Variants in ADAMTS12 observed in about 807,000 individuals in gnomAD.
ADAMTS12 encodes the protein ADAM metallopeptidase with thrombospondin type 1 motif 12.
In ADAMTS12, 118 loss-of-function variants were observed where a neutral mutation model predicts 167.8. That is an observed-to-expected ratio of 0.70 (90% CI 0.61 to 0.82). ADAMTS12 has a LOEUF of 0.82. Among genes scored for constraint, ADAMTS12 ranks in the 40% least tolerant of loss-of-function variants. The pLI is 0.00. For missense variants in ADAMTS12, 1,916 were observed against 1,998.8 expected, an observed-to-expected ratio of 0.96 and a Z score of 0.79; for synonymous variants, 704 against 716.9, an observed-to-expected ratio of 0.98 and a Z score of 0.29.
intron 17 of ADAMTS12, among the ~76,000 whole-genome samples, chr5:33,592,802 C>T (rs183680715): frequency 6.6e-6 from 1 of 152,008 alleles, no homozygotes; most frequent in African/African-American, 2.4e-5. Context: ...AAGATTAAAC[C>T]TTGCACAGGA....
intron 1 of ADAMTS12, among the ~76,000 whole-genome samples, chr5:33,882,563 C>A (rs1750484690): frequency 6.6e-6 from 1 of 152,074 alleles, no homozygotes; most frequent in Admixed American, 6.6e-5. Flanking sequence ...GATTACACTT[C>A]TTCTTTTTTT....
intron 2 of ADAMTS12, among the ~76,000 whole-genome samples, chr5:33,756,374 G>A (rs1002322389): frequency 6.6e-6 from 1 of 152,182 alleles, no homozygotes; most frequent in Non-Finnish European, 1.5e-5. Flanking sequence ...CTTTTAGGCG[G>A]CGAAGCCAAG....
intron 13 of ADAMTS12, among the ~76,000 whole-genome samples, chr5:33,627,099 G>A (rs1561179092): frequency 2.0e-5 from 3 of 148,926 alleles, no homozygotes. Context: ...GGTGGTGGTG[G>A]TGATGATGGT....
At chr5:33,758,598 G>A (rs1745246060) in intron 2 of ADAMTS12, among the ~76,000 whole-genome samples, 2 of 152,146 alleles carry the variant, frequency 1.3e-5, no homozygotes, top group African/African-American at 2.4e-5. Flanking sequence ...ATTTCCAGAT[G>A]TCAGTGTCAC....
intron 4 of ADAMTS12, 51 bp downstream of exon 4, chr5:33,683,808 C>A (rs765729501): frequency 9.8e-6 from 13 of 1,329,510 alleles, no homozygotes. Context: ...GTAAGCATTT[C>A]TAATGACATC....
chr5:33,528,652 G>A (rs754048595), intron 23 of ADAMTS12, among the ~76,000 whole-genome samples: 3 of 152,190 alleles, frequency 2.0e-5, no homozygotes, highest in Non-Finnish European at 4.4e-5. Flanking sequence ...CTGATAAATG[G>A]CATAGCCAGA....
intron 3 of ADAMTS12, among the ~76,000 whole-genome samples, chr5:33,701,586 T>C (rs1743005850): frequency 6.6e-6 from 1 of 152,204 alleles, no homozygotes; most frequent in Admixed American, 6.5e-5. Flanking sequence ...TGAGAAGTTC[T>C]CTTCATATCT....
intron 2 of ADAMTS12, among the ~76,000 whole-genome samples, chr5:33,806,284 T>C (rs1177733925): frequency 6.6e-6 from 1 of 152,134 alleles, no homozygotes; most frequent in Non-Finnish European, 1.5e-5. Context: ...ACTCCCAATA[T>C]ACAGAAGTCA....
chr5:33,787,802 G>A (rs1746383154), intron 2 of ADAMTS12, among the ~76,000 whole-genome samples: 2 of 152,174 alleles, frequency 1.3e-5, no homozygotes, highest in African/African-American at 2.4e-5. Context: ...ACAGAAAAGA[G>A]CGTGATATTT....
chr5:33,688,646 T>C (rs1026093398), intron 3 of ADAMTS12, among the ~76,000 whole-genome samples: 2 of 152,216 alleles, frequency 1.3e-5, no homozygotes, highest in South Asian at 2.1e-4. Context: ...CCTGGAGTAG[T>C]GCTAGGGAGC....
At chr5:33,883,722 G>C (rs576742209) in intron 1 of ADAMTS12, among the ~76,000 whole-genome samples, 3 of 152,190 alleles carry the variant, frequency 2.0e-5, no homozygotes, top group Admixed American at 6.5e-5. Flanking sequence ...AATTGGAGTA[G>C]GGAGTGGGAA....
At chr5:33,610,877 G>T (rs1214507658) in intron 16 of ADAMTS12, among the ~76,000 whole-genome samples, 1 of 152,026 alleles carries the variant, frequency 6.6e-6, no homozygotes, top group Admixed American at 6.5e-5. Context: ...GACCAGCCTG[G>T]CCAACATGGT....
chr5:33,631,511 T>C (rs4354048), intron 12 of ADAMTS12, among the ~76,000 whole-genome samples: 26,344 of 152,104 alleles, frequency 0.17, 3,037 homozygotes, highest in East Asian at 0.49. Context: ...CTGCTTATCA[T>C]AGTGATCCAT....
At chr5:33,868,726 CAT>C (rs1201714175) in intron 2 of ADAMTS12, among the ~76,000 whole-genome samples, 1 of 152,200 alleles carries the variant, frequency 6.6e-6, no homozygotes, top group Non-Finnish European at 1.5e-5. Context: ...CCATTGGTCA[CAT>C]GTGGCCCAAC....
intron 19 of ADAMTS12, among the ~76,000 whole-genome samples, chr5:33,575,118 T>C (rs1746623964): frequency 6.6e-6 from 1 of 152,186 alleles, no homozygotes; most frequent in South Asian, 2.1e-4. Flanking sequence ...ATGCTTATTT[T>C]CTTCTTCCTC....
chr5:33,742,516 T>C (rs941257802), intron 3 of ADAMTS12, among the ~76,000 whole-genome samples: 1 of 152,218 alleles, frequency 6.6e-6, no homozygotes, highest in African/African-American at 2.4e-5. Context: ...TGGCTCCCAG[T>C]GCTCTTGGAA....
intron 2 of ADAMTS12, among the ~76,000 whole-genome samples, chr5:33,807,984 T>C (rs1282091276): frequency 2.0e-5 from 3 of 152,046 alleles, no homozygotes; most frequent in East Asian, 3.9e-4. Context: ...TTACAGCATA[T>C]TGGAATGCGT....
intron 2 of ADAMTS12, among the ~76,000 whole-genome samples, chr5:33,836,075 T>G (rs1472257306): frequency 6.6e-6 from 1 of 152,186 alleles, no homozygotes; most frequent in Middle Eastern, 3.2e-3. Context: ...TTTGTTTTCA[T>G]GAAGCCCACA....
At position 33,881,280 on chromosome 5, in the gene ADAMTS12, G is replaced by C. The variant is rs16891862; in HGVS notation, c.328C>G (p.Gln110Glu). The change falls in exon 2 of 24, where the codon CAA (glutamine) becomes GAA (glutamate). Residue 110 changes from glutamine to glutamate, a missense_variant. Gln to Glu is a conservative substitution (Grantham distance 29, BLOSUM62 2). Transcript: ENST00000504830. Reference protein sequence around the residue: ...KDLFFNLTVNQGFLSNSYIME... With the variant: ...KDLFFNLTVNEGFLSNSYIME... The stretch of plus-strand genomic sequence containing the variant: ...ATGTAGCTATTGGAAAGAAATCCTT[G>C]ATTGACCGTCAAGTTAAAAAACAGG... The C allele has an allele frequency of 1.7e-3, 2,727 of 1,614,164 alleles. 47 individuals carry two copies. The African/African-American group carries it at 0.033, about 19-fold the overall frequency.
Sources: gnomAD v4.1 joint callset for allele counts (sites outside exome capture counted in the v4.1 genomes callset) on GRCh38, gnomAD v4.1.1 for gene constraint, MANE v1.5 for transcripts, NCBI Gene and HGNC (gene_info 2026-07-23, HGNC 2026-07-21) for gene names.